The following NALF1 variants were observed in gnomAD, a reference collection of about 807,000 sequenced individuals.
NALF1 encodes the protein NALCN channel auxiliary factor 1, also known as family with sequence similarity 155 member A.
NALF1 carries 3 observed loss-of-function variants against 48.4 expected under a neutral mutation model. That is an observed-to-expected ratio of 0.06 (90% CI 0.03 to 0.16). The LOEUF is 0.16. Among genes scored for constraint, NALF1 ranks in the 10% least tolerant of loss-of-function variants. The pLI is 1.00. For synonymous variants in NALF1, 262 were observed against 245.7 expected, an observed-to-expected ratio of 1.07 and a Z score of -0.62; for missense variants, 526 against 571.5, an observed-to-expected ratio of 0.92 and a Z score of 0.81.
intron 1 of NALF1, among the ~76,000 whole-genome samples, chr13:107,283,269 A>C (rs1473596783): frequency 1.3e-5 from 2 of 152,166 alleles, no homozygotes; most frequent in African/African-American, 4.8e-5. Flanking sequence ...AAACAAGATC[A>C]CCTTACATGT....
At chr13:107,212,194 C>A (rs1472394433) in intron 1 of NALF1, among the ~76,000 whole-genome samples, 1 of 152,072 alleles carries the variant, frequency 6.6e-6, no homozygotes, top group Non-Finnish European at 1.5e-5. Context: ...CAAAATGACG[C>A]TTTATTCTGT....
intron 1 of NALF1, among the ~76,000 whole-genome samples, chr13:107,739,789 C>T (rs1206060288): frequency 2.6e-5 from 4 of 152,150 alleles, no homozygotes; most frequent in African/African-American, 4.8e-5. Context: ...CTCACATTAC[C>T]GCCTGAGCTC....
At chr13:107,486,962 T>C (rs1187826534) in intron 1 of NALF1, among the ~76,000 whole-genome samples, 1 of 152,170 alleles carries the variant, frequency 6.6e-6, no homozygotes, top group African/African-American at 2.4e-5. Flanking sequence ...TGAAACCTAC[T>C]TTTAGTAAGG....
chr13:107,541,831 T>G (rs1877008893), intron 1 of NALF1, among the ~76,000 whole-genome samples: 1 of 152,128 alleles, frequency 6.6e-6, no homozygotes, highest in Non-Finnish European at 1.5e-5. Context: ...TTTGTTTCAG[T>G]GAGATTTTAA....
intron 1 of NALF1, among the ~76,000 whole-genome samples, chr13:107,470,365 A>C (rs1419555465): frequency 6.6e-6 from 1 of 152,200 alleles, no homozygotes; most frequent in Non-Finnish European, 1.5e-5. Context: ...GCAGAACATA[A>C]GTCTCATCTA....
intron 1 of NALF1, among the ~76,000 whole-genome samples, chr13:107,744,194 T>C (rs1335773468): frequency 6.6e-6 from 1 of 152,192 alleles, no homozygotes; most frequent in Non-Finnish European, 1.5e-5. Flanking sequence ...TAATCCAGTG[T>C]GAGATCTTGC....
chr13:107,769,122 G>A (rs1159051365), intron 1 of NALF1, among the ~76,000 whole-genome samples: 8 of 148,596 alleles, frequency 5.4e-5, no homozygotes, highest in Admixed American at 5.4e-4. Flanking sequence ...CATTGTGGAA[G>A]TCAGTGTGGC....
At chr13:107,249,621 T>C (rs1022677403) in intron 1 of NALF1, among the ~76,000 whole-genome samples, 2 of 148,520 alleles carry the variant, frequency 1.3e-5, no homozygotes, top group Non-Finnish European at 3.0e-5. Flanking sequence ...TGTAGAGAGA[T>C]GGCCAAAACT....
intron 1 of NALF1, among the ~76,000 whole-genome samples, chr13:107,223,976 C>T (rs1180480336): frequency 4.0e-5 from 6 of 151,790 alleles, no homozygotes; most frequent in Admixed American, 2.6e-4. Flanking sequence ...TTTTAGTATA[C>T]AATAATGGAT....
At chr13:107,772,060 T>C (rs1383234479) in intron 1 of NALF1, among the ~76,000 whole-genome samples, 4 of 152,162 alleles carry the variant, frequency 2.6e-5, no homozygotes, top group Non-Finnish European at 4.4e-5. Context: ...ATAATAATAC[T>C]GATTCTTGCA....
At chr13:107,728,768 C>T (rs1276213412) in intron 1 of NALF1, among the ~76,000 whole-genome samples, 1 of 151,734 alleles carries the variant, frequency 6.6e-6, no homozygotes, top group African/African-American at 2.4e-5. Flanking sequence ...AGAGACTTTC[C>T]TCTTTGAACT....
chr13:107,706,508 T>G (rs1881950652), intron 1 of NALF1, among the ~76,000 whole-genome samples: 2 of 152,222 alleles, frequency 1.3e-5, no homozygotes, highest in Admixed American at 1.3e-4. Context: ...TTTCTTCATG[T>G]CTAATCTGCC....
chr13:107,237,512 A>T (rs1218058658), intron 1 of NALF1, among the ~76,000 whole-genome samples: 2 of 152,236 alleles, frequency 1.3e-5, no homozygotes, highest in East Asian at 1.9e-4. Context: ...AAAATGGGGT[A>T]GCATTTGCAT....
intron 1 of NALF1, among the ~76,000 whole-genome samples, chr13:107,432,958 A>G (rs1884406516): frequency 1.3e-5 from 2 of 152,190 alleles, no homozygotes; most frequent in South Asian, 4.1e-4. Flanking sequence ...CCTCCACAGC[A>G]GCCCAGGGAG....
chr13:107,410,886 T>C (rs755921821), intron 1 of NALF1, among the ~76,000 whole-genome samples: 2 of 152,124 alleles, frequency 1.3e-5, no homozygotes, highest in Non-Finnish European at 2.9e-5. Context: ...TTAAAGACTT[T>C]TGGTGTGGAA....
chr13:107,689,486 C>G (rs1881518432), intron 1 of NALF1, among the ~76,000 whole-genome samples: 2 of 152,138 alleles, frequency 1.3e-5, no homozygotes, highest in Admixed American at 6.5e-5. Flanking sequence ...TAAATTGACA[C>G]TGTAAAGAAT....
intron 1 of NALF1, among the ~76,000 whole-genome samples, chr13:107,752,167 A>G (rs1876959024): frequency 1.3e-5 from 2 of 152,114 alleles, no homozygotes; most frequent in Non-Finnish European, 1.5e-5. Flanking sequence ...ATCCATTACA[A>G]AAACTACACA....
At chr13:107,180,345 T>G (rs915930383) in intron 2 of NALF1, among the ~76,000 whole-genome samples, 5 of 152,016 alleles carry the variant, frequency 3.3e-5, no homozygotes, top group African/African-American at 1.2e-4. Flanking sequence ...GGATAAATAT[T>G]TTCGTTATAT....
intron 1 of NALF1, among the ~76,000 whole-genome samples, chr13:107,808,297 A>AGGCTTGAG (rs1404278153): frequency 6.6e-6 from 1 of 152,188 alleles, no homozygotes; most frequent in East Asian, 1.9e-4. Context: ...TCCATCTGTC[A>AGGCTTGAG]GGCTTGAAAC....
Sources: allele counts gnomAD v4.1 joint callset (sites outside exome capture counted in the v4.1 genomes callset), GRCh38; gene constraint gnomAD v4.1.1; transcripts MANE v1.5; gene names NCBI Gene and HGNC (gene_info 2026-07-23, HGNC 2026-07-21).